Variants in PID1 observed in about 807,000 individuals in gnomAD.
The protein encoded by PID1 is phosphotyrosine interaction domain containing 1, also known as PTB-containing, cubilin and LRP1-interacting protein.
PID1 carries 10 observed loss-of-function variants against 19.1 expected under a neutral mutation model. That is an observed-to-expected ratio of 0.52 (90% CI 0.32 to 0.89). The LOEUF is 0.89. PID1 is among the 40% of genes least tolerant of loss of function. PID1 has a pLI of 0.03. For synonymous variants in PID1, 130 were observed against 116.0 expected, an observed-to-expected ratio of 1.12 and a Z score of -0.78; for missense variants, 248 against 285.3, an observed-to-expected ratio of 0.87 and a Z score of 0.94.
At chr2:229,228,751 T>C (rs1692138213) in intron 1 of PID1, among the ~76,000 whole-genome samples, 1 of 152,074 alleles carries the variant, frequency 6.6e-6, no homozygotes, top group Non-Finnish European at 1.5e-5. Flanking sequence ...GCTAAAACCA[T>C]GTCGGTAGTT....
intron 2 of PID1, among the ~76,000 whole-genome samples, chr2:229,029,385 A>C (rs1574566734): frequency 6.6e-6 from 1 of 152,260 alleles, no homozygotes; most frequent in East Asian, 1.9e-4. Flanking sequence ...ACTACAGTTA[A>C]ATACCACTTC....
intron 1 of PID1, among the ~76,000 whole-genome samples, chr2:229,269,941 C>T (rs746412539): frequency 1.1e-4 from 17 of 152,150 alleles, no homozygotes; most frequent in Non-Finnish European, 1.5e-4. Context: ...ATGCCCTCTG[C>T]GGGTTGTTCC....
chr2:229,058,125 C>A (rs1652669894), intron 2 of PID1, among the ~76,000 whole-genome samples: 2 of 152,134 alleles, frequency 1.3e-5, no homozygotes, highest in African/African-American at 4.8e-5. Flanking sequence ...CGTGGACACC[C>A]AAATACTAGA....
intron 2 of PID1, among the ~76,000 whole-genome samples, chr2:229,112,736 T>C (rs1397974444): frequency 6.6e-6 from 1 of 152,150 alleles, no homozygotes; most frequent in Non-Finnish European, 1.5e-5. Context: ...CCGCCTGCCT[T>C]GGCCTCCTAA....
intron 1 of PID1, among the ~76,000 whole-genome samples, chr2:229,161,461 G>A (rs1014457361): frequency 2.0e-5 from 3 of 152,068 alleles, no homozygotes; most frequent in Non-Finnish European, 4.4e-5. Flanking sequence ...GCAACTAAGA[G>A]AATCTTGCAA....
intron 2 of PID1, among the ~76,000 whole-genome samples, chr2:229,151,219 C>T (rs765728177): frequency 2.6e-5 from 4 of 152,140 alleles, no homozygotes; most frequent in African/African-American, 7.2e-5. Flanking sequence ...GACACAACTG[C>T]CCCACCTGTT....
At chr2:229,067,643 C>T (rs1037130485) in intron 2 of PID1, among the ~76,000 whole-genome samples, 1 of 152,118 alleles carries the variant, frequency 6.6e-6, no homozygotes, top group Non-Finnish European at 1.5e-5. Flanking sequence ...ATTACCAATC[C>T]TCCATGAAGT....
chr2:229,110,989 T>TC (rs759318739), intron 2 of PID1, among the ~76,000 whole-genome samples: 4 of 152,158 alleles, frequency 2.6e-5, no homozygotes, highest in Admixed American at 6.5e-5. Flanking sequence ...GGGGACGGTT[T>TC]CCCCATACTG....
chr2:229,158,916 T>C (rs1488537501), intron 1 of PID1, among the ~76,000 whole-genome samples: 3 of 151,508 alleles, frequency 2.0e-5, no homozygotes, highest in South Asian at 4.2e-4. Context: ...AGAAAGATGG[T>C]TACCAGAGGC....
At chr2:229,064,108 T>C (rs971742986) in intron 2 of PID1, among the ~76,000 whole-genome samples, 4 of 152,152 alleles carry the variant, frequency 2.6e-5, no homozygotes, top group African/African-American at 9.7e-5. Context: ...GCCATTCAAG[T>C]GTTTCAAGAA....
intron 2 of PID1, among the ~76,000 whole-genome samples, chr2:229,089,349 A>G (rs572733585): frequency 3.9e-5 from 6 of 152,302 alleles, no homozygotes; most frequent in African/African-American, 1.2e-4. Context: ...TCAGAGCTGC[A>G]TTTACCCCTC....
chr2:229,173,037 T>C (rs1472173969), intron 1 of PID1, among the ~76,000 whole-genome samples: 1 of 152,082 alleles, frequency 6.6e-6, no homozygotes, highest in Non-Finnish European at 1.5e-5. Context: ...TCAATGCACT[T>C]TTTGAAGGGG....
intron 2 of PID1, among the ~76,000 whole-genome samples, chr2:229,061,426 G>A (rs1171165556): frequency 6.6e-6 from 1 of 151,814 alleles, no homozygotes; most frequent in African/African-American, 2.4e-5. Context: ...AAATTGGTGG[G>A]TAAATTTCTA....
chr2:229,216,884 T>C (rs1232725034), intron 1 of PID1, among the ~76,000 whole-genome samples: 1 of 151,998 alleles, frequency 6.6e-6, no homozygotes, highest in Non-Finnish European at 1.5e-5. Context: ...TATATACATA[T>C]ATTTTTTTAA....
In PID1 at chr2:229,193,784, G is replaced by GA. The variant is rs557216036; in HGVS notation, c.31-37821dup. ...AAAAATTATATCGTAGCCTTATTGGGAAAAAAAAAAAAGACCTTTCAAAGT... is the reference window on the plus strand; with the variant it reads ...AAAAATTATATCGTAGCCTTATTGGGAAAAAAAAAAAAAGACCTTTCAAAGT... On this transcript the variant is annotated intron_variant, in intron 1 of 2. Transcript: ENST00000392055. Among the ~76,000 whole-genome samples, 529 of 138,178 alleles carry GA rather than the reference G, an allele frequency of 3.8e-3. 1 individual carries two copies. The highest frequency in any genetic ancestry group is 8.1e-3 in the African/African-American group (308 of 37,888). 90.7% of individuals were successfully genotyped at this position (138,178 alleles called of 152,430 possible).
At chr2:229,059,928 C>T (rs1350663238) in intron 2 of PID1, among the ~76,000 whole-genome samples, 1 of 152,086 alleles carries the variant, frequency 6.6e-6, no homozygotes, top group Non-Finnish European at 1.5e-5. Context: ...TTACAAACAA[C>T]ACTTAGAATC....
At chr2:229,092,062 G>A (rs1694887585) in intron 2 of PID1, among the ~76,000 whole-genome samples, 1 of 112,010 alleles carries the variant, frequency 8.9e-6, no homozygotes. Flanking sequence ...CAATCGTCCT[G>A]GCTTGCACTG....
chr2:229,179,621 T>A (rs1372054789), intron 1 of PID1, among the ~76,000 whole-genome samples: 2 of 152,154 alleles, frequency 1.3e-5, no homozygotes, highest in Non-Finnish European at 2.9e-5. Context: ...GGAAATTGCA[T>A]ATGCCCTTTA....
intron 2 of PID1, among the ~76,000 whole-genome samples, chr2:229,147,585 A>G (rs1359887808): frequency 1.3e-5 from 2 of 152,066 alleles, no homozygotes; most frequent in African/African-American, 4.8e-5. Context: ...TATACTTAAT[A>G]CATTATAAAT....
Sources: gnomAD v4.1 joint callset for allele counts (sites outside exome capture counted in the v4.1 genomes callset) on GRCh38, gnomAD v4.1.1 for gene constraint, MANE v1.5 for transcripts, NCBI Gene and HGNC (gene_info 2026-07-23, HGNC 2026-07-21) for gene names.